ZNF215: variants seen among roughly 807,000 people sequenced by gnomAD.
ZNF215 encodes the protein BWSCR2-associated zinc finger protein 2.
ZNF215 carries 24 observed loss-of-function variants against 27.2 expected under a neutral mutation model. That is an observed-to-expected ratio of 0.88 (90% CI 0.64 to 1.24). ZNF215 has a LOEUF of 1.24. Ranked by LOEUF, ZNF215 falls within the 50% of genes most tolerant of loss-of-function variation. ZNF215 has a pLI of 0.00. For missense variants in ZNF215, 675 were observed against 605.7 expected, an observed-to-expected ratio of 1.11 and a Z score of -1.20; for synonymous variants, 210 against 204.0, an observed-to-expected ratio of 1.03 and a Z score of -0.25.
chr11:6,934,622 G>T (rs1310901514), intron 3 of ZNF215, among the ~76,000 whole-genome samples: 1 of 152,164 alleles, frequency 6.6e-6, no homozygotes, highest in Non-Finnish European at 1.5e-5. Flanking sequence ...ACTTTATTCT[G>T]TTGTCATAGC....
intron 3 of ZNF215, among the ~76,000 whole-genome samples, chr11:6,936,370 C>G (rs1849434610): frequency 6.6e-6 from 1 of 152,036 alleles, no homozygotes; most frequent in African/African-American, 2.4e-5. Flanking sequence ...CAATTAAATG[C>G]CAACAAATTA....
intron 3 of ZNF215, 42 bp from the exon 4 acceptor site, chr11:6,941,529 G>A (rs367998964): frequency 7.6e-5 from 120 of 1,582,948 alleles, no homozygotes; most frequent in Middle Eastern, 1.7e-4. Flanking sequence ...GTTGCTCCAG[G>A]GCAAAACTTG....
downstream of ZNF215, among the ~76,000 whole-genome samples, chr11:6,962,018 A>G (rs907043946): frequency 6.6e-6 from 1 of 152,178 alleles, no homozygotes; most frequent in Non-Finnish European, 1.5e-5. Context: ...CCTCTGGGTC[A>G]GCAGGAAACA....
At chr11:6,970,835 C>A in intron 5 of ZNF215, among the ~76,000 whole-genome samples, 1 of 152,172 alleles carries the variant, frequency 6.6e-6, no homozygotes. Flanking sequence ...TCCTTCCTTG[C>A]AGGTACATGT....
In ZNF215 at chr11:6,957,650, A is replaced by C. The variant is rs1136528; in HGVS notation, c.*1119A>C. The C allele has an allele frequency of 1.8e-4, 116 of 657,806 alleles. No individual in the cohort carries two copies. The African/African-American group carries it at 2.2e-3, about 13-fold the overall frequency. The allele number at this position is 657,806 out of a possible 1,614,324, so 40.7% of individuals were successfully genotyped here. A position where few individuals can be genotyped will look rare whatever the true frequency, so the allele number is the denominator to read the frequency against. On this transcript the variant is annotated 3_prime_UTR_variant, in exon 7 of 7. Coordinates refer to ENST00000278319, the MANE Select transcript of ZNF215 (RefSeq NM_013250.4). ...AGGAACTTAACTCTTGTTTGTATCC[A>C]TTAGTCTATGGTAAAATTGGTTTTG...
rs138234725 is a variant in ZNF215 at position 6,934,342 on chromosome 11, G to C, written c.400+1670G>C. Among the ~76,000 whole-genome samples, 289 of 152,310 alleles carry C rather than the reference G, an allele frequency of 1.9e-3. 1 individual carries two copies. The highest frequency in any genetic ancestry group is 6.7e-3 in the African/African-American group (279 of 41,564). On this transcript the variant is annotated intron_variant, in intron 3 of 6. Transcript: ENST00000278319. The stretch of plus-strand genomic sequence containing the variant: ...GGAATTTTGAGGTTTAGTTTGAGCA[G>C]TTTTAGCAGATTTGAGGGGTGCTTA...
intron 5 of ZNF215, among the ~76,000 whole-genome samples, chr11:6,975,587 C>T (rs1850816755): frequency 6.6e-6 from 1 of 151,976 alleles, no homozygotes; most frequent in South Asian, 2.1e-4. Context: ...ATTGTTTTAA[C>T]CTTTAGGTCC....
intron 2 of ZNF215, among the ~76,000 whole-genome samples, chr11:6,931,861 A>G (rs10769739): frequency 0.28 from 43,056 of 152,036 alleles, 7,361 homozygotes; most frequent in East Asian, 0.39. Flanking sequence ...GTTTTTTTAA[A>G]TCAAAGGACT....
At chr11:6,943,250 A>G in intron 5 of ZNF215, 35 bp downstream of exon 5, 3 of 1,586,258 alleles carry the variant, frequency 1.9e-6, no homozygotes, top group Non-Finnish European at 1.7e-6. Context: ...CTGTCCATTT[A>G]GTAATCTCTT....
At chr11:6,967,526 T>A (rs1325489791) in intron 5 of ZNF215, among the ~76,000 whole-genome samples, 1 of 152,260 alleles carries the variant, frequency 6.6e-6, no homozygotes, top group African/African-American at 2.4e-5. Context: ...TACCTCATTG[T>A]GGTTTTGATT....
intron 5 of ZNF215, among the ~76,000 whole-genome samples, chr11:6,972,894 T>C (rs190118408): frequency 2.2e-3 from 184 of 81,796 alleles, no homozygotes; most frequent in African/African-American, 8.2e-3. Flanking sequence ...GCCCTTAGCA[T>C]TGAAAGGATT....
At chr11:6,930,421 A>T (rs1292348218) in intron 2 of ZNF215, among the ~76,000 whole-genome samples, 3 of 152,228 alleles carry the variant, frequency 2.0e-5, no homozygotes, top group Non-Finnish European at 4.4e-5. Flanking sequence ...TTAGGTCTCC[A>T]ACTCTAATCC....
chr11:6,985,820 A>G (rs1048852388), downstream of ZNF215, among the ~76,000 whole-genome samples: 4 of 152,154 alleles, frequency 2.6e-5, no homozygotes, highest in Non-Finnish European at 5.9e-5. Flanking sequence ...CTAAGAATAC[A>G]GAGAGCCAAG....
chr11:6,949,582 T>A (rs2133259255), intron 6 of ZNF215, among the ~76,000 whole-genome samples: 1 of 152,332 alleles, frequency 6.6e-6, no homozygotes, highest in African/African-American at 2.4e-5. Flanking sequence ...TGGCGTTGTT[T>A]GTTTTTTTCT....
At chr11:6,971,355 T>A (rs1378456825) in intron 5 of ZNF215, among the ~76,000 whole-genome samples, 2 of 152,124 alleles carry the variant, frequency 1.3e-5, no homozygotes, top group African/African-American at 4.8e-5. Flanking sequence ...CATGGCAGAG[T>A]TGTTGCTCCT....
At chr11:6,967,255 G>C (rs1270146504) in intron 5 of ZNF215, among the ~76,000 whole-genome samples, 1 of 152,136 alleles carries the variant, frequency 6.6e-6, no homozygotes, top group Non-Finnish European at 1.5e-5. Flanking sequence ...ATTGTGAATA[G>C]TGCTGCAATA....
chr11:6,978,455 A>G (rs1385751783), intron 5 of ZNF215, among the ~76,000 whole-genome samples: 1 of 152,028 alleles, frequency 6.6e-6, no homozygotes, highest in Admixed American at 6.6e-5. Flanking sequence ...GTGAATATAC[A>G]TTTAGGAGCC....
chr11:6,956,849 C>G lies in ZNF215; in HGVS notation c.*318C>G. The G allele has an allele frequency of 9.6e-7, 1 of 1,038,976 alleles. No homozygotes were observed. The highest frequency in any genetic ancestry group is 1.2e-6 in the Non-Finnish European group (1 of 864,370). The allele number at this position is 1,038,976 out of a possible 1,614,324, so 64.4% of individuals were successfully genotyped here. The stretch of plus-strand genomic sequence containing the variant: ...AGTTCATAAATAGGTCTATAGCATA[C>G]TAATATCCACCTGATTTATTGACGA... On this transcript the variant is annotated 3_prime_UTR_variant, in exon 7 of 7. Transcript: ENST00000278319.
chr11:6,981,461 G>T (rs1186602269), intron 5 of ZNF215, among the ~76,000 whole-genome samples: 2 of 152,048 alleles, frequency 1.3e-5, no homozygotes, highest in South Asian at 2.1e-4. Flanking sequence ...GGGGTTGTTT[G>T]TTTCTTCTTG....
Sources: allele counts gnomAD v4.1 joint callset (sites outside exome capture counted in the v4.1 genomes callset), GRCh38; gene constraint gnomAD v4.1.1; transcripts MANE v1.5; gene names NCBI Gene and HGNC (gene_info 2026-07-23, HGNC 2026-07-21).